Variants in RBFOX1 observed in about 807,000 individuals in gnomAD.
The protein encoded by RBFOX1 is RNA binding protein fox-1 homolog 1.
RBFOX1 carries 8 observed loss-of-function variants against 57.7 expected under a neutral mutation model. That is an observed-to-expected ratio of 0.14 (90% CI 0.08 to 0.25). The LOEUF (loss-of-function observed/expected upper bound fraction) is 0.25. RBFOX1 is among the 10% of genes least tolerant of loss of function. The probability of loss-of-function intolerance (pLI) is 1.00; values close to 1 mark genes in which losing one functional copy is unlikely to be tolerated. For synonymous variants in RBFOX1, 326 were observed against 222.4 expected (o/e 1.47, Z -4.15); for missense variants, 611 against 548.5 (o/e 1.11, Z -1.14).
chr16:5,890,053 C>G (rs892171054), intron 4 of RBFOX1, among the ~76,000 whole-genome samples: 2 of 152,124 alleles, frequency 1.3e-5, no homozygotes, highest in African/African-American at 4.8e-5. Context: ...CTGGCAGTTC[C>G]GTGTGTTCCA....
chr16:6,595,672 C>G (rs993024349), intron 2 of RBFOX1, among the ~76,000 whole-genome samples: 2 of 152,202 alleles, frequency 1.3e-5, no homozygotes, highest in African/African-American at 2.4e-5. Context: ...TACATTCCCA[C>G]CAGCAATGTC....
intron 4 of RBFOX1, among the ~76,000 whole-genome samples, chr16:5,882,680 T>C (rs923287456): frequency 3.3e-5 from 5 of 152,186 alleles, no homozygotes; most frequent in African/African-American, 1.2e-4. Context: ...GAGCTCCCCA[T>C]GGTGCCTGGA....
At chr16:7,090,857 G>C (rs1447481038) in intron 4 of RBFOX1, among the ~76,000 whole-genome samples, 1 of 152,128 alleles carries the variant, frequency 6.6e-6, no homozygotes, top group Admixed American at 6.5e-5. Context: ...ACTTGCCGTA[G>C]AATGAAGTAA....
At chr16:6,448,885 TAGC>T (rs1199277939) in intron 2 of RBFOX1, among the ~76,000 whole-genome samples, 5 of 152,264 alleles carry the variant, frequency 3.3e-5, no homozygotes, top group African/African-American at 7.2e-5. Context: ...AGTTGAGAGA[TAGC>T]AGCCATTTTC....
intron 4 of RBFOX1, among the ~76,000 whole-genome samples, chr16:7,366,439 A>G (rs1000113107): frequency 1.3e-5 from 2 of 152,132 alleles, no homozygotes; most frequent in African/African-American, 4.8e-5. Context: ...GAAAAAAATC[A>G]TCCGGTCCAG....
At chr16:7,610,598 C>G (rs747282003) in intron 10 of RBFOX1, among the ~76,000 whole-genome samples, 2 of 152,316 alleles carry the variant, frequency 1.3e-5, no homozygotes, top group Middle Eastern at 3.4e-3. Flanking sequence ...TCCGGAAAAT[C>G]CACATGCTTT....
chr16:7,134,736 G>A (rs1223319825), intron 4 of RBFOX1, among the ~76,000 whole-genome samples: 1 of 152,176 alleles, frequency 6.6e-6, no homozygotes, highest in Non-Finnish European at 1.5e-5. Context: ...AGTTGCTGTT[G>A]CTGCTGCTGT....
intron 4 of RBFOX1, among the ~76,000 whole-genome samples, chr16:7,423,985 G>C (rs2098577155): frequency 6.6e-6 from 1 of 152,158 alleles, no homozygotes; most frequent in Non-Finnish European, 1.5e-5. Flanking sequence ...TAATAGGATG[G>C]AGAACTAAAG....
chr16:6,412,782 G>A (rs2093500666), intron 2 of RBFOX1, among the ~76,000 whole-genome samples: 1 of 152,162 alleles, frequency 6.6e-6, no homozygotes, highest in Admixed American at 6.5e-5. Flanking sequence ...ATCTGATTCA[G>A]TGAGCAAGAG....
intron 3 of RBFOX1, among the ~76,000 whole-genome samples, chr16:6,847,814 A>T (rs945029585): frequency 3.3e-5 from 5 of 151,998 alleles, no homozygotes; most frequent in Non-Finnish European, 5.9e-5. Context: ...CTATGAAAAA[A>T]ATTATTCCCA....
intron 1 of RBFOX1, among the ~76,000 whole-genome samples, chr16:5,329,894 G>C (rs1485922507): frequency 6.6e-6 from 1 of 151,416 alleles, no homozygotes; most frequent in Non-Finnish European, 1.5e-5. Context: ...GATGTGATGT[G>C]ATGGCGTGAA....
intron 2 of RBFOX1, among the ~76,000 whole-genome samples, chr16:6,410,300 G>C (rs944714603): frequency 7.9e-6 from 1 of 126,718 alleles, no homozygotes; most frequent in African/African-American, 3.3e-5. Flanking sequence ...ATGACCTAGG[G>C]TTCTTTTTTT....
intron 1 of RBFOX1, among the ~76,000 whole-genome samples, chr16:5,251,115 C>A (rs947674708): frequency 1.6e-4 from 23 of 139,730 alleles, no homozygotes; most frequent in African/African-American, 5.5e-4. Flanking sequence ...TCCCCGCAGA[C>A]CCTGCTAACG....
intron 3 of RBFOX1, among the ~76,000 whole-genome samples, chr16:6,855,578 G>T (rs68164081): frequency 0.52 from 78,686 of 149,992 alleles, 22,800 homozygotes; most frequent in African/African-American, 0.78. Context: ...GCGTGAACCC[G>T]AGAGGTGGAG....
At chr16:7,046,880 A>T (rs1317051804) in intron 3 of RBFOX1, among the ~76,000 whole-genome samples, 2 of 152,014 alleles carry the variant, frequency 1.3e-5, no homozygotes, top group Non-Finnish European at 2.9e-5. Flanking sequence ...TTCTGGAATT[A>T]CAGGCGTGAG....
intron 2 of RBFOX1, among the ~76,000 whole-genome samples, chr16:6,563,480 G>A (rs1466466817): frequency 6.6e-6 from 1 of 152,094 alleles, no homozygotes; most frequent in East Asian, 1.9e-4. Flanking sequence ...CATCCCTAGA[G>A]CCCAGAGTCC....
rs73520290 is a variant in RBFOX1, at chr16:5,991,328, C to T, written c.351+123993C>T. The stretch of plus-strand genomic sequence containing the variant: ...TCCCAGGTCTGATTGCACCCCTTCC[C>T]TTCCTTTCCCTTGCAAACGGGTAGC... On this transcript the variant is annotated intron_variant, in intron 4 of 19. Transcript: ENST00000641259. 6.3e-3 allele frequency among the ~76,000 whole-genome samples: 964 copies of T among 152,296 alleles called. 12 individuals carry two copies. Among genetic ancestry groups the T allele is most frequent in the African/African-American group, 0.022 (894 of 41,560 alleles).
intron 1 of RBFOX1, among the ~76,000 whole-genome samples, chr16:5,320,914 C>T (rs1411940974): frequency 2.0e-5 from 3 of 152,178 alleles, no homozygotes; most frequent in African/African-American, 7.2e-5. Context: ...CAGGGGCGGC[C>T]CTGCCTCTGG....
intron 5 of RBFOX1, among the ~76,000 whole-genome samples, chr16:7,523,681 G>C (rs2078016449): frequency 6.6e-6 from 1 of 152,176 alleles, no homozygotes; most frequent in Non-Finnish European, 1.5e-5. Context: ...CCTGAAGGAA[G>C]TTTTAAGACT....
Sources: allele counts gnomAD v4.1 joint callset (sites outside exome capture counted in the v4.1 genomes callset), GRCh38; gene constraint gnomAD v4.1.1; transcripts MANE v1.5; gene names NCBI Gene and HGNC (gene_info 2026-07-23, HGNC 2026-07-21).